Variants in DCLRE1B observed in about 807,000 individuals in gnomAD.
DCLRE1B encodes 5' exonuclease Apollo.
Under a neutral mutation model 19.8 loss-of-function variants are expected in DCLRE1B, and 6 were observed. That is an observed-to-expected ratio of 0.30 (90% CI 0.17 to 0.60). The LOEUF (loss-of-function observed/expected upper bound fraction) is 0.60. DCLRE1B is among the 20% of genes least tolerant of loss of function. The pLI is 0.87. For synonymous variants in DCLRE1B, 258 were observed against 255.7 expected (o/e 1.01, Z -0.09); for missense variants, 622 against 654.2 (o/e 0.95, Z 0.54).
upstream of DCLRE1B, chr1:113,904,994 G>T (rs1003178469): frequency 6.6e-5 from 30 of 452,624 alleles, no homozygotes; most frequent in Non-Finnish European, 1.2e-4. Flanking sequence ...GCTACTTCTA[G>T]GTCCTCCGCC....
chr1:113,906,401 T>C (rs1271661378), intron 1 of DCLRE1B, among the ~76,000 whole-genome samples: 1 of 151,064 alleles, frequency 6.6e-6, no homozygotes. Context: ...TGCTGGGTGG[T>C]TCTCCAGCTC....
chr1:113,910,522 G>A (rs939551579), intron 3 of DCLRE1B, among the ~76,000 whole-genome samples: 1 of 151,620 alleles, frequency 6.6e-6, no homozygotes, highest in Non-Finnish European at 1.5e-5. Context: ...TTTTTTAAGA[G>A]ACAGGGTCTC....
Position 113,905,715 on chromosome 1 carries a change from C to G in DCLRE1B, c.129C>G (p.Thr43=), listed in dbSNP as rs1316314106. Residue 43 remains threonine, a synonymous_variant, in exon 1 of 4, where the codon ACC becomes ACG. Coordinates refer to ENST00000650450, the MANE Select transcript of DCLRE1B (RefSeq NM_022836.4). ...ACCACACCGTGGGCCTGTCTAGCAC[C>G]TGGGCCCGGCCCCTCTACTGCTCCC... ...HSDHTVGLSS[T]WARPLYCSPI... is the part of the protein sequence containing the mutation. 6.2e-7 allele frequency: 1 copy of G among 1,614,200 alleles called. No individual in the cohort carries two copies. Among genetic ancestry groups the G allele is most frequent in the South Asian group, 1.1e-5 (1 of 91,082 alleles).
chr1:113,904,647 G>T (rs1253444838), upstream of DCLRE1B: 2 of 1,613,544 alleles, frequency 1.2e-6, no homozygotes, highest in Non-Finnish European at 1.7e-6. Flanking sequence ...CAGCCTATCA[G>T]CTTGAATGTG....
Position 113,912,984 on chromosome 1 carries a change from C to T in DCLRE1B, c.*793C>T, listed in dbSNP as rs889359865. The stretch of plus-strand genomic sequence containing the variant: ...TCCCCAGCCTGGAGACCCTATTTGG[C>T]TGAAACAGTTACAAAATATCAAATG... On this transcript the variant is annotated 3_prime_UTR_variant, in exon 4 of 4. Transcript: ENST00000650450. 6.5e-6 allele frequency: 1 copy of T among 152,758 alleles called. No homozygotes were observed. The highest frequency in any genetic ancestry group is 6.5e-5 in the Admixed American group (1 of 15,274). The allele number at this position is 152,758 out of a possible 1,614,324, so 9.5% of individuals were successfully genotyped here.
rs1299914577 is a variant in DCLRE1B at position 113,913,147 on chromosome 1, G to A, written c.*956G>A. On this transcript the variant is annotated 3_prime_UTR_variant, in exon 4 of 4. Transcript: ENST00000650450. ...GGAAGAGACCAAGGAGCCAGCTGGC[G>A]GGAAGGGGTGGGGGTGTGCAGTCTG... 2.0e-5 allele frequency: 3 copies of A among 153,170 alleles called. No individual in the cohort carries two copies. The highest frequency in any genetic ancestry group is 2.9e-5 in the Non-Finnish European group (2 of 68,296). The allele number at this position is 153,170 out of a possible 1,614,324, so 9.5% of individuals were successfully genotyped here.
rs1281138138 is a variant in DCLRE1B, at chr1:113,907,215, T to TG, written c.355+54_355+55insG. ...TCTCCAGACTAGATGTTTTTTTTTT[T>TG]TTTTTTTTTTTTTTTTTTTAATGTA... is the stretch of plus-strand genomic sequence containing the variant. On this transcript the variant is annotated intron_variant, in intron 2 of 3. Coordinates refer to ENST00000650450, the MANE Select transcript of DCLRE1B (RefSeq NM_022836.4). 22 of 1,101,314 alleles carry TG rather than the reference T, an allele frequency of 2.0e-5. 1 individual carries two copies. In the African/African-American group the frequency reaches 2.8e-4, roughly 14 times the overall value. The allele number at this position is 1,101,314 out of a possible 1,614,324, so 68.2% of individuals were successfully genotyped here.
chr1:113,907,149 ATCCTCTACACAGGTG>A lies in DCLRE1B; in HGVS notation c.344_355+3del. ...TCTCTTTGAAGGATATTTTGGAACC[ATCCTCTACACAGGTG>A]GGCCTCTCAAGGAATCCCAGTGACT... On this transcript the variant is annotated splice_donor_variant and splice_donor_region_variant and coding_sequence_variant and intron_variant, in exon 2 of 4. Transcript: ENST00000650450. LOFTEE classifies it high-confidence loss of function. The A allele has an allele frequency of 6.3e-7, 1 of 1,593,072 alleles. No individual in the cohort carries two copies. Among genetic ancestry groups the A allele is most frequent in the Non-Finnish European group, 8.5e-7 (1 of 1,172,002 alleles).
chr1:113,905,933 T>TC (rs1174786314), intron 1 of DCLRE1B, among the ~76,000 whole-genome samples, 158 bp downstream of exon 1: 1 of 152,154 alleles, frequency 6.6e-6, no homozygotes, highest in African/African-American at 2.4e-5. Context: ...GAACGTGTTT[T>TC]CGAAGTGACC....
At chr1:113,910,136 T>G (rs1669200026) in intron 3 of DCLRE1B, among the ~76,000 whole-genome samples, 1 of 152,240 alleles carries the variant, frequency 6.6e-6, no homozygotes, top group Non-Finnish European at 1.5e-5. Context: ...CTTCTCATCC[T>G]GGCAGTCAAA....
intron 3 of DCLRE1B, among the ~76,000 whole-genome samples, chr1:113,908,735 A>G (rs1001292997): frequency 6.6e-6 from 1 of 152,134 alleles, no homozygotes; most frequent in Non-Finnish European, 1.5e-5. Context: ...TACTATATAT[A>G]TTTTTAAATA....
rs1333153192 is a variant in DCLRE1B, at chr1:113,912,785, A to C, written c.*594A>C. 2 of 152,440 alleles carry C rather than the reference A, an allele frequency of 1.3e-5. No individual in the cohort carries two copies. Among genetic ancestry groups the C allele is most frequent in the African/African-American group, 4.8e-5 (2 of 41,438 alleles). 9.4% of individuals were successfully genotyped at this position (152,440 alleles called of 1,614,324 possible). A position where few individuals can be genotyped will look rare whatever the true frequency, so the allele number is the denominator to read the frequency against. ...CTCTGGGAGGGAACAGGAAGCGATG[A>C]AGAGGTCTTGGAACAGTAGTGAAAA... On this transcript the variant is annotated 3_prime_UTR_variant, in exon 4 of 4. Transcript: ENST00000650450.
chr1:113,911,863 T>C lies in DCLRE1B; in HGVS notation c.1271T>C (p.Met424Thr). Reference protein sequence around the residue: ...PFCESQKRVTMLTAPLGFSVH... With the variant: ...PFCESQKRVTTLTAPLGFSVH... ...TGTGAGTCTCAAAAGAGGGTGACTA[T>C]GTTGACGGCCCCACTGGGATTTTCA... Residue 424 changes from methionine (M) to threonine (T), a missense_variant, in exon 4 of 4, where the codon ATG (methionine) becomes ACG (threonine). Physicochemically the swap from Met to Thr is moderately conservative, Grantham distance 81 (BLOSUM62 -1). Around this residue, in one of 3 missense-constraint regions of DCLRE1B, gnomAD observed 382 missense variants for 412.5 expected, o/e 0.93. Transcript: ENST00000650450. The C allele has an allele frequency of 6.2e-7, 1 of 1,614,230 alleles. No homozygotes were observed. Among genetic ancestry groups the C allele is most frequent in the Non-Finnish European group, 8.5e-7 (1 of 1,180,034 alleles).
chr1:113,905,338 C>T lies in DCLRE1B; in HGVS notation c.-249C>T. On this transcript the variant is annotated 5_prime_UTR_variant, in exon 1 of 4. Coordinates refer to ENST00000650450, the MANE Select transcript of DCLRE1B (RefSeq NM_022836.4). ...CCCTGCAGCGCGCGCTTTGAGTGCC[C>T]GGCTCGGCCTCCGCTCCCGCGCGGT... The T allele has an allele frequency of 2.0e-6, 1 of 505,788 alleles. No homozygotes were observed. The highest frequency in any genetic ancestry group is 3.5e-6 in the Non-Finnish European group (1 of 286,954). The allele number at this position is 505,788 out of a possible 1,614,324, so 31.3% of individuals were successfully genotyped here. A position where few individuals can be genotyped will look rare whatever the true frequency, so the allele number is the denominator to read the frequency against.
At position 113,908,057 on chromosome 1, in the gene DCLRE1B, T is replaced by A; in HGVS notation, c.404T>A (p.Leu135Gln). Residue 135 changes from leucine (L) to glutamine (Q), a missense_variant, in exon 3 of 4, where the codon CTG becomes CAG. By Grantham distance (113) the Leu-to-Gln change is moderately radical. This residue lies in a region of DCLRE1B where 237 missense variants were observed against 223.8 expected (regional missense o/e 1.06). Transcript: ENST00000650450. ...ATGCTAAAGGAGCCAGCCCTGACAC[T>A]GGGGAAACAGATCCATACTTTATAC... ...PSMLKEPALT[L>Q]GKQIHTLYLD... The A allele has an allele frequency of 6.2e-7, 1 of 1,614,164 alleles. No homozygotes were observed.
At position 113,905,570 on chromosome 1, in the gene DCLRE1B, A is replaced by T; in HGVS notation, c.-17A>T. The T allele has an allele frequency of 6.2e-7, 1 of 1,611,282 alleles. No homozygotes were observed. Among genetic ancestry groups the T allele is most frequent in the Non-Finnish European group, 8.5e-7 (1 of 1,179,008 alleles). ...CCCCGTGGAGAAGATCCCACTGGTG[A>T]CTCCAACCCTACCACCATGAATGGG... On this transcript the variant is annotated 5_prime_UTR_variant, in exon 1 of 4. The change abolishes the stop of an existing upstream ORF in the 5' untranslated region. Transcript: ENST00000650450.
rs1669292744 is a variant in DCLRE1B, at chr1:113,912,263, GGAAA to G, written c.*75_*78del. 1 of 1,460,714 alleles carries G rather than the reference GGAAA, an allele frequency of 6.8e-7. No homozygotes were observed. The highest frequency in any genetic ancestry group is 9.1e-7 in the Non-Finnish European group (1 of 1,093,172). 90.5% of individuals were successfully genotyped at this position (1,460,714 alleles called of 1,614,324 possible). A position where few individuals can be genotyped will look rare whatever the true frequency, so the allele number is the denominator to read the frequency against. On this transcript the variant is annotated 3_prime_UTR_variant, in exon 4 of 4. Transcript: ENST00000650450. Reference sequence around the variant, plus strand: ...TGAAGATAGTAACTGATGGCTGGTGGGAAAGAGTTTGTTTTTGGGGCCTACTTTT... The same window carrying G: ...TGAAGATAGTAACTGATGGCTGGTGGGAGTTTGTTTTTGGGGCCTACTTTT...
intron 3 of DCLRE1B, 48 bp from the exon 4 acceptor site, chr1:113,911,083 A>C (rs751045038): frequency 2.0e-6 from 3 of 1,510,634 alleles, no homozygotes; most frequent in East Asian, 4.6e-5. Context: ...CCAATAGCTT[A>C]ATTTTCTTCC....
chr1:113,911,036 A>G, intron 3 of DCLRE1B, 95 bp from the exon 4 acceptor site: 1 of 1,190,892 alleles, frequency 8.4e-7, no homozygotes, highest in Admixed American at 2.5e-5. Context: ...AATTGTATCT[A>G]TTTTTGTTAA....
Sources: gnomAD v4.1 joint callset for allele counts (sites outside exome capture counted in the v4.1 genomes callset) on GRCh38, gnomAD v4.1.1 for gene constraint, gnomAD v4.1.1 regional missense constraint, MANE v1.5 for transcripts, NCBI Gene and HGNC (gene_info 2026-07-23, HGNC 2026-07-21) for gene names.